PDS5A: variants seen among roughly 807,000 people sequenced by gnomAD.
PDS5A encodes sister chromatid cohesion protein PDS5 homolog A.
In PDS5A, 42 loss-of-function variants were observed where a neutral mutation model predicts 167.1. That is an observed-to-expected ratio of 0.25 (90% CI 0.20 to 0.33). The LOEUF (loss-of-function observed/expected upper bound fraction) is 0.33. Among genes scored for constraint, PDS5A ranks in the 10% least tolerant of loss-of-function variants. The probability of loss-of-function intolerance (pLI) is 1.00; values close to 1 mark genes in which losing one functional copy is unlikely to be tolerated. For synonymous variants in PDS5A, 553 were observed against 554.6 expected (o/e 1.00, Z 0.04); for missense variants, 1,033 against 1,605.9 (o/e 0.64, Z 6.10).
At chr4:39,916,205 C>A (rs2176629) in intron 8 of PDS5A, among the ~76,000 whole-genome samples, 1,198 of 42,580 alleles carry the variant, frequency 0.028, 9 homozygotes, top group African/African-American at 0.037. Flanking sequence ...AAAACAACAA[C>A]AACAAAAAAA....
chr4:39,923,377 T>C (rs1725175726), intron 5 of PDS5A, among the ~76,000 whole-genome samples: 1 of 149,010 alleles, frequency 6.7e-6, no homozygotes, highest in South Asian at 2.2e-4. Flanking sequence ...AAAAAAGACC[T>C]TTTAAAATAA....
intron 10 of PDS5A, among the ~76,000 whole-genome samples, chr4:39,909,040 AAAAATAAAATAAAATAAAATAAAAT>A (rs59403675): frequency 1.8e-4 from 23 of 126,080 alleles, no homozygotes; most frequent in African/African-American, 6.3e-4. Flanking sequence ...CCCTGTATCA[AAAAATAAAATAAAATAAAATAAAAT>A]AAAATAAAAT....
At chr4:39,965,622 T>C (rs761299781) in intron 2 of PDS5A, among the ~76,000 whole-genome samples, 2 of 152,238 alleles carry the variant, frequency 1.3e-5, no homozygotes, top group African/African-American at 2.4e-5. Context: ...TAAAGGTATA[T>C]GCTAAGTGAA....
chr4:39,838,453 G>A (rs1479313248), intron 31 of PDS5A, among the ~76,000 whole-genome samples: 2 of 152,208 alleles, frequency 1.3e-5, no homozygotes, highest in Non-Finnish European at 2.9e-5. Context: ...TGGGAACAGT[G>A]GCTCACGCCT....
At chr4:39,856,978 ATGCTATTGAAACAAATT>A (rs1481203147) in intron 26 of PDS5A, among the ~76,000 whole-genome samples, 1 of 152,188 alleles carries the variant, frequency 6.6e-6, no homozygotes, top group South Asian at 2.1e-4. Context: ...ATGTGTCCAT[ATGCTATTGAAACAAATT>A]TGCTACTATT....
At chr4:39,869,273 C>T (rs2109563776) in intron 22 of PDS5A, 121 bp downstream of exon 22, 1 of 712,802 alleles carries the variant, frequency 1.4e-6, no homozygotes, top group Non-Finnish European at 2.5e-6. Flanking sequence ...GAGTTCAAGA[C>T]CAAACTGAGC....
intron 32 of PDS5A, among the ~76,000 whole-genome samples, chr4:39,828,870 T>C (rs942678656): frequency 6.6e-6 from 1 of 151,850 alleles, no homozygotes; most frequent in Non-Finnish European, 1.5e-5. Context: ...AAGTGAAAAA[T>C]AAAGCAAGTG....
At chr4:39,849,359 A>T (rs75861259) in intron 27 of PDS5A, among the ~76,000 whole-genome samples, 161 bp downstream of exon 27, 3,740 of 150,206 alleles carry the variant, frequency 0.025, 157 homozygotes, top group East Asian at 0.18. Context: ...AATAAAATTC[A>T]CTTGTAATGA....
At chr4:39,950,894 A>G (rs1028781395) in intron 2 of PDS5A, among the ~76,000 whole-genome samples, 2 of 151,200 alleles carry the variant, frequency 1.3e-5, no homozygotes, top group Non-Finnish European at 3.0e-5. Context: ...CCCACCCTGA[A>G]TTTTTTTTTG....
chr4:39,908,713 C>G (rs1723608058), intron 10 of PDS5A, 173 bp from the exon 11 acceptor site: 4 of 574,740 alleles, frequency 7.0e-6, no homozygotes, highest in Non-Finnish European at 1.2e-5. Flanking sequence ...CTACTGTAAT[C>G]ACAAAACTGC....
chr4:39,845,273 T>C (rs1336019682), intron 29 of PDS5A, among the ~76,000 whole-genome samples: 1 of 152,184 alleles, frequency 6.6e-6, no homozygotes, highest in African/African-American at 2.4e-5. Flanking sequence ...GTCATAAGCA[T>C]ATCTCTACTT....
Position 39,863,589 on chromosome 4 carries a change from A to G in PDS5A, c.2643-130T>C, listed in dbSNP as rs1578627932. Reference sequence around the variant, plus strand: ...TTTAAAATGACGTACAAATATGGGAAAGCTACTTTGAGTCCATGAACTTAA... The same window carrying G: ...TTTAAAATGACGTACAAATATGGGAGAGCTACTTTGAGTCCATGAACTTAA... On this transcript the variant is annotated intron_variant, in intron 23 of 32. Coordinates refer to ENST00000303538, the MANE Select transcript of PDS5A (RefSeq NM_001100399.2). The G allele has an allele frequency of 5.3e-5, 31 of 581,084 alleles. No homozygotes were observed. In the East Asian group the frequency reaches 9.2e-4, roughly 17 times the overall value. The allele number at this position is 581,084 out of a possible 1,614,324, so 36.0% of individuals were successfully genotyped here.
chr4:39,867,733 A>AAAACACACACACAC (rs1289481633), intron 22 of PDS5A, among the ~76,000 whole-genome samples: 1 of 130,632 alleles, frequency 7.7e-6, no homozygotes, highest in African/African-American at 3.4e-5. Context: ...AAAAAACCAA[A>AAAACACACACACAC]ACACACACAC....
intron 2 of PDS5A, among the ~76,000 whole-genome samples, chr4:39,944,759 A>G (rs572138292): frequency 1.3e-5 from 2 of 151,186 alleles, no homozygotes; most frequent in East Asian, 3.9e-4. Context: ...AAAGGCTTTG[A>G]GACTTGGTTT....
intron 16 of PDS5A, among the ~76,000 whole-genome samples, chr4:39,897,157 G>A (rs1297138388): frequency 1.3e-5 from 2 of 152,110 alleles, no homozygotes; most frequent in African/African-American, 2.4e-5. Context: ...ACTTTGGGAG[G>A]CCGAGGTGGG....
chr4:39,855,260 T>C (rs1718440934), intron 26 of PDS5A, among the ~76,000 whole-genome samples: 1 of 152,108 alleles, frequency 6.6e-6, no homozygotes. Context: ...ATAACAGAAC[T>C]ATAACTTCAA....
At chr4:39,847,972 G>A (rs1717781538) in intron 28 of PDS5A, 1 of 152,212 alleles carries the variant, frequency 6.6e-6, no homozygotes, top group Admixed American at 6.5e-5. Flanking sequence ...GGCAGCATGA[G>A]ATTCTCACAG....
chr4:39,901,266 CT>C (rs772230554), intron 13 of PDS5A, among the ~76,000 whole-genome samples: 1,747 of 121,218 alleles, frequency 0.014, 8 homozygotes, highest in African/African-American at 0.027. Context: ...TCTTTTCTTT[CT>C]TTTTTTTTTT....
chr4:39,857,148 C>T (rs755128462), intron 26 of PDS5A, among the ~76,000 whole-genome samples: 10 of 151,926 alleles, frequency 6.6e-5, no homozygotes, highest in Non-Finnish European at 1.2e-4. Context: ...GTCAGGAGAT[C>T]GAGACCATCC....
Sources: allele counts gnomAD v4.1 joint callset (sites outside exome capture counted in the v4.1 genomes callset), GRCh38; gene constraint gnomAD v4.1.1; transcripts MANE v1.5; gene names NCBI Gene and HGNC (gene_info 2026-07-23, HGNC 2026-07-21).